SNX12: variants seen among roughly 807,000 people sequenced by gnomAD.
The protein encoded by SNX12 is sorting nexin 12.
For missense variants in SNX12, 62 were observed against 141.3 expected (o/e 0.44, Z 2.84); for synonymous variants, 47 against 56.0 (o/e 0.84, Z 0.71).
At chrX:71,064,282 C>T (rs948308974) in intron 1 of SNX12, among the ~76,000 whole-genome samples, 1 of 111,795 alleles carries the variant, frequency 8.9e-6, no homozygotes, top group African/African-American at 3.2e-5. Context: ...ACTCTCACTT[C>T]AAACAAAAAA....
chrX:71,071,661 A>G (rs1569477501), upstream of SNX12, among the ~76,000 whole-genome samples: 2 of 63,392 alleles, frequency 3.2e-5, no homozygotes, highest in African/African-American at 1.5e-4. Flanking sequence ...ATCATTATAT[A>G]TAATTATTTA....
At position 71,068,259 on chromosome X, in the gene SNX12, C is replaced by A; in HGVS notation, c.48G>T (p.Pro16=). The change falls in exon 1 of 4, where the codon CCG becomes CCT. Residue 16 remains proline (P), a synonymous_variant. Coordinates refer to ENST00000374274, the MANE Select transcript of SNX12 (RefSeq NM_013346.4). ...GCCCGTAAGCGTCGGTCAGGTCCTGCGGCTTCGAGTTAAGGCGCCGGGTAT... is the reference window on the plus strand; with the variant it reads ...GCCCGTAAGCGTCGGTCAGGTCCTGAGGCTTCGAGTTAAGGCGCCGGGTAT... ...VADTRRLNSK[P]QDLTDAYGPP... is the part of the protein sequence containing the mutation. 1 of 1,208,220 alleles carries A rather than the reference C, an allele frequency of 8.3e-7. No homozygotes were observed. The highest frequency in any genetic ancestry group is 1.8e-5 in the South Asian group (1 of 56,390).
At chrX:71,068,051 G>C in intron 1 of SNX12, 91 bp downstream of exon 1, 12 of 788,966 alleles carry the variant, frequency 1.5e-5, no homozygotes, top group South Asian at 1.3e-4. Flanking sequence ...CGTCTTCCCC[G>C]CCGTTAGTTG....
In SNX12 at chrX:71,060,180, G is replaced by A. The variant is rs2147690941; in HGVS notation, c.*836C>T. 1 of 112,137 alleles carries A rather than the reference G, an allele frequency of 8.9e-6. No individual in the cohort carries two copies. Among genetic ancestry groups the A allele is most frequent in the East Asian group, 2.8e-4 (1 of 3,541 alleles). The allele number at this position is 112,137 out of a possible 1,213,427, so 9.2% of individuals were successfully genotyped here. ...CTTCAGGGAGTTACCTGGCAGTGGT[G>A]AGTTGCCCCCACCCCTCAAGCCACC... On this transcript the variant is annotated 3_prime_UTR_variant, in exon 4 of 4. Transcript: ENST00000374274.
intron 2 of SNX12, 59 bp downstream of exon 2, chrX:71,062,795 C>G: frequency 1.4e-6 from 1 of 739,697 alleles, no homozygotes; most frequent in South Asian, 2.2e-5. Context: ...GGTTGTATGC[C>G]CACTCAGCCT....
rs769990545 is a variant in SNX12 at position 71,067,268 on chromosome X, T to C, written c.165+874A>G. On this transcript the variant is annotated intron_variant, in intron 1 of 3. Coordinates refer to ENST00000374274, the MANE Select transcript of SNX12 (RefSeq NM_013346.4). Reference sequence around the variant, plus strand: ...AAGCCACTCCTGGGCAATTCTGAAATGTCATGTATTAAAGTAACTACAGAC... The same window carrying C: ...AAGCCACTCCTGGGCAATTCTGAAACGTCATGTATTAAAGTAACTACAGAC... Among the ~76,000 whole-genome samples, 8 of 112,235 alleles carry C rather than the reference T, an allele frequency of 7.1e-5. No homozygotes were observed. In the East Asian group the frequency reaches 2.2e-3, roughly 31 times the overall value.
intron 1 of SNX12, among the ~76,000 whole-genome samples, chrX:71,066,045 A>C (rs778443128): frequency 2.1e-4 from 24 of 111,888 alleles, no homozygotes; most frequent in African/African-American, 7.8e-4. Flanking sequence ...TTGCATGCTA[A>C]AGTTTTGCTA....
upstream of SNX12, among the ~76,000 whole-genome samples, chrX:71,072,182 C>T (rs182745226): frequency 3.7e-4 from 40 of 108,300 alleles, no homozygotes; most frequent in African/African-American, 1.3e-3. Context: ...TGCTTGAACC[C>T]GGGAGGCGGA....
At chrX:71,067,775 T>G (rs759343608) in intron 1 of SNX12, among the ~76,000 whole-genome samples, 1 of 111,468 alleles carries the variant, frequency 9.0e-6, no homozygotes, top group Non-Finnish European at 1.9e-5. Flanking sequence ...TATATCGCCT[T>G]GGCTTTCCAT....
chrX:71,068,493 G>A (rs2092163776), upstream of SNX12: 1 of 315,610 alleles, frequency 3.2e-6, no homozygotes, highest in Non-Finnish European at 5.4e-6. Flanking sequence ...AATAGCGGCC[G>A]TGCTGACTGC....
intron 1 of SNX12, among the ~76,000 whole-genome samples, chrX:71,064,687 T>C (rs1158762118): frequency 8.9e-6 from 1 of 112,981 alleles, no homozygotes; most frequent in African/African-American, 3.2e-5. Flanking sequence ...CAGAAAACCC[T>C]GATCTTCACT....
At chrX:71,063,017 T>C (rs1436223918) in intron 1 of SNX12, 68 bp from the exon 2 acceptor site, 15 of 680,966 alleles carry the variant, frequency 2.2e-5, no homozygotes, top group Non-Finnish European at 3.0e-5. Context: ...CCTGTCTGAG[T>C]AACTTGGACA....
rs1246439115 is a variant in SNX12, at chrX:71,059,272, C to T, written c.*1744G>A. 8.9e-6 allele frequency: 1 copy of T among 112,007 alleles called. No homozygotes were observed. The highest frequency in any genetic ancestry group is 3.2e-5 in the African/African-American group (1 of 30,844). 9.2% of individuals were successfully genotyped at this position (112,007 alleles called of 1,213,427 possible). ...TTGCTTCACAGTGGTTTAATATGAA[C>T]AGAGTTGAATATGACATTGTCTGAC... On this transcript the variant is annotated 3_prime_UTR_variant, in exon 4 of 4. Transcript: ENST00000374274.
upstream of SNX12, among the ~76,000 whole-genome samples, chrX:71,071,862 A>G (rs1283306879): frequency 9.7e-6 from 1 of 103,247 alleles, no homozygotes; most frequent in Non-Finnish European, 1.9e-5. Flanking sequence ...ATAATTTTCT[A>G]AAGGATCTGA....
At chrX:71,071,437 ATAAT>A (rs1449110519), upstream of SNX12, among the ~76,000 whole-genome samples, 18 of 83,744 alleles carry the variant, frequency 2.1e-4, no homozygotes, top group South Asian at 4.9e-4. Context: ...ATAATTATAT[ATAAT>A]TAAATATAAA....
At position 71,059,517 on chromosome X, in the gene SNX12, C is replaced by T. The variant is rs1466014785; in HGVS notation, c.*1499G>A. 3 of 112,048 alleles carry T rather than the reference C, an allele frequency of 2.7e-5. No homozygotes were observed. Among genetic ancestry groups the T allele is most frequent in the Admixed American group, 9.4e-5 (1 of 10,593 alleles). 9.2% of individuals were successfully genotyped at this position (112,048 alleles called of 1,213,427 possible). ...TCATTAGGGGCTGCTTAGCCCCTGG[C>T]GCAGGCTCAGCAGCTGGAGAGCTGT... On this transcript the variant is annotated 3_prime_UTR_variant, in exon 4 of 4. Coordinates refer to ENST00000374274, the MANE Select transcript of SNX12 (RefSeq NM_013346.4).
chrX:71,061,205 G>C, intron 3 of SNX12, 87 bp from the exon 4 acceptor site: 1 of 761,474 alleles, frequency 1.3e-6, no homozygotes, highest in South Asian at 2.3e-5. Flanking sequence ...GGGAAGAAGG[G>C]CAAGGTCAGC....
At chrX:71,066,419 G>A (rs1269684149) in intron 1 of SNX12, among the ~76,000 whole-genome samples, 3 of 109,722 alleles carry the variant, frequency 2.7e-5, no homozygotes, top group Non-Finnish European at 5.7e-5. Flanking sequence ...GCGAAACCCC[G>A]TCTCTATTAA....
chrX:71,062,363 ACTTTCTTT>A, intron 2 of SNX12, among the ~76,000 whole-genome samples: 1 of 90,708 alleles, frequency 1.1e-5, no homozygotes, highest in East Asian at 3.4e-4. Context: ...TGAACTTACC[ACTTTCTTT>A]TTTTTTTTTT....
Sources: allele counts gnomAD v4.1 joint callset (sites outside exome capture counted in the v4.1 genomes callset), GRCh38; gene constraint gnomAD v4.1.1; transcripts MANE v1.5; gene names NCBI Gene and HGNC (gene_info 2026-07-23, HGNC 2026-07-21).